The following POMGNT1 variants were observed in gnomAD, a reference collection of about 807,000 sequenced individuals.
The protein encoded by POMGNT1 is protein O-linked mannose N-acetylglucosaminyltransferase 1 (beta 1,2-), also known as protein O-linked-mannose beta-1,2-N-acetylglucosaminyltransferase 1.
In POMGNT1, 67 loss-of-function variants were observed where a neutral mutation model predicts 95.6. That is an observed-to-expected ratio of 0.70 (90% confidence interval 0.58 to 0.86). POMGNT1 has a LOEUF of 0.86. POMGNT1 is among the 40% of genes least tolerant of loss of function. The pLI is 0.00. For synonymous variants in POMGNT1, 298 were observed against 317.9 expected, an observed-to-expected ratio of 0.94 and a Z score of 0.66; for missense variants, 719 against 855.2, an observed-to-expected ratio of 0.84 and a Z score of 1.99.
rs752497984 is a variant in POMGNT1 at position 46,196,752 on chromosome 1, A to G, written c.333T>C (p.Tyr111=). ...VEVYSSRSKV[Y]VAVDGTTVLE... Reference sequence around the variant, plus strand: ...TGACCGTGGTGCCATCCACTGCCACATATACTTTGCTGCGACTTGAATACA... The same window carrying G: ...TGACCGTGGTGCCATCCACTGCCACGTATACTTTGCTGCGACTTGAATACA... Residue 111 remains tyrosine (Y), a synonymous_variant, in exon 4 of 22, where the codon TAT becomes TAC. Transcript: ENST00000371984. This position sits in a 1 kb window ranked among gnomAD's most constrained non-coding sequence, Gnocchi z 4.4. 3.7e-6 allele frequency: 6 copies of G among 1,614,174 alleles called. No homozygotes were observed. Among genetic ancestry groups the G allele is most frequent in the Non-Finnish European group, 3.4e-6 (4 of 1,180,036 alleles).
intron 18 of POMGNT1, 83 bp downstream of exon 18, chr1:46,190,637 A>G: frequency 3.9e-6 from 6 of 1,534,110 alleles, no homozygotes; most frequent in Admixed American, 1.7e-5. Flanking sequence ...GTAAACACAC[A>G]GGCCCAGCAT....
chr1:46,213,074 T>A (rs998892900), intron 1 of POMGNT1, among the ~76,000 whole-genome samples: 2 of 152,102 alleles, frequency 1.3e-5, no homozygotes, highest in Non-Finnish European at 2.9e-5. Flanking sequence ...ATAGACTACA[T>A]ATGTCAAATA....
At chr1:46,213,956 C>T (rs934549340) in intron 1 of POMGNT1, among the ~76,000 whole-genome samples, 4 of 151,972 alleles carry the variant, frequency 2.6e-5, no homozygotes, top group Admixed American at 2.0e-4. Flanking sequence ...CATACATACA[C>T]GGTTTCTAGT....
At chr1:46,202,691 T>C, upstream of POMGNT1, among the ~76,000 whole-genome samples, 2 of 94,698 alleles carry the variant, frequency 2.1e-5, no homozygotes, top group Non-Finnish European at 3.9e-5. Context: ...AGCGAGACTC[T>C]GTCTCAAAAA....
intron 1 of POMGNT1, among the ~76,000 whole-genome samples, chr1:46,218,835 C>T (rs554593825): frequency 1.5e-4 from 23 of 152,146 alleles, no homozygotes; most frequent in Non-Finnish European, 2.8e-4. Context: ...CAACCCTTTC[C>T]CCTCTCGGTG....
rs369306680 is a variant in POMGNT1, at chr1:46,194,363, G to A, written c.790C>T (p.Arg264Cys). ...CHWADTELNR[R>C]RRRFCSKVEG... is the part of the protein sequence containing the mutation. The stretch of plus-strand genomic sequence containing the variant: ...ACTTTGCTGCAGAAGCGCCGGCGGC[G>A]ACGGTTCAGCTCTGTGTCTGCCCAG... Residue 264 changes from arginine to cysteine, a missense_variant, in exon 9 of 22, where the codon CGC becomes TGC. Physicochemically the swap from Arg to Cys is radical, Grantham distance 180 (BLOSUM62 -3). Coordinates refer to ENST00000371984, the MANE Select transcript of POMGNT1 (RefSeq NM_017739.4). The A allele has an allele frequency of 4.3e-6, 7 of 1,614,092 alleles. No individual in the cohort carries two copies. The highest frequency in any genetic ancestry group is 4.0e-5 in the African/African-American group (3 of 74,940).
intron 1 of POMGNT1, among the ~76,000 whole-genome samples, chr1:46,212,406 C>T (rs1406263998): frequency 2.7e-5 from 4 of 150,484 alleles, no homozygotes; most frequent in African/African-American, 4.9e-5. Context: ...TCAGCCTCCC[C>T]AGCAGCTGGG....
At chr1:46,200,444 C>T (rs144089334), upstream of POMGNT1, among the ~76,000 whole-genome samples, 2 of 152,314 alleles carry the variant, frequency 1.3e-5, no homozygotes, top group African/African-American at 4.8e-5. Flanking sequence ...GGGTTCCCCT[C>T]CTCAGTGAAC....
intron 2 of POMGNT1, 30 bp from the exon 3 acceptor site, chr1:46,197,114 G>A: frequency 6.2e-7 from 1 of 1,613,920 alleles, no homozygotes; most frequent in Non-Finnish European, 8.5e-7. Flanking sequence ...TGATTAAGAG[G>A]AGCACCTCCT....
chr1:46,217,526 G>C (rs1659103241), intron 1 of POMGNT1, among the ~76,000 whole-genome samples: 1 of 152,164 alleles, frequency 6.6e-6, no homozygotes, highest in Non-Finnish European at 1.5e-5. Context: ...AGATGGGAAG[G>C]GTATCTGTAT....
rs1657539778 is a variant in POMGNT1 at position 46,189,146 on chromosome 1, C to T, written c.*124G>A. On this transcript the variant is annotated 3_prime_UTR_variant, in exon 22 of 22. Transcript: ENST00000371984. ...CTCCCCTTGGAGTTAGTAATTAAGT[C>T]TCATGTTAAAAACAAGGTAGCCCCA... 1 of 1,498,330 alleles carries T rather than the reference C, an allele frequency of 6.7e-7. No individual in the cohort carries two copies. The allele number at this position is 1,498,330 out of a possible 1,614,324, so 92.8% of individuals were successfully genotyped here. A position where few individuals can be genotyped will look rare whatever the true frequency, so the allele number is the denominator to read the frequency against.
At chr1:46,212,266 T>C (rs1180786829) in intron 1 of POMGNT1, among the ~76,000 whole-genome samples, 1 of 151,848 alleles carries the variant, frequency 6.6e-6, no homozygotes, top group African/African-American at 2.4e-5. Context: ...ATGTATAACA[T>C]AAACAACCAT....
chr1:46,207,569 C>T (rs1658758298), intron 1 of POMGNT1, among the ~76,000 whole-genome samples: 1 of 150,454 alleles, frequency 6.6e-6, no homozygotes, highest in African/African-American at 2.4e-5. Context: ...GATGGAGTCT[C>T]GCTCTGTCGC....
chr1:46,203,366 G>A (rs1324032811), upstream of POMGNT1: 6 of 1,407,894 alleles, frequency 4.3e-6, no homozygotes, highest in Non-Finnish European at 4.7e-6. Flanking sequence ...GGCGAAGGGA[G>A]GACCCCCGGG....
intron 7 of POMGNT1, 76 bp downstream of exon 7, chr1:46,194,768 C>T: frequency 2.5e-6 from 4 of 1,613,494 alleles, no homozygotes; most frequent in Non-Finnish European, 2.5e-6. Flanking sequence ...TTGTTCCCCA[C>T]CCCACCCCAT....
chr1:46,216,462 C>T (rs906979661), intron 1 of POMGNT1, among the ~76,000 whole-genome samples: 2 of 152,152 alleles, frequency 1.3e-5, no homozygotes, highest in African/African-American at 4.8e-5. Context: ...TCACCTCAGC[C>T]TCCCGAGGAG....
Position 46,194,893 on chromosome 1 carries a change from G to GA in POMGNT1, c.602_603insT (p.Ala203CysfsTer25), listed in dbSNP as rs1658102632. The GA allele has an allele frequency of 1.2e-6, 2 of 1,614,008 alleles. No homozygotes were observed. The highest frequency in any genetic ancestry group is 2.7e-5 in the African/African-American group (2 of 74,936). Reference sequence around the variant, plus strand: ...ATGTGTCCCTCCAGCCCAGGGCAGGGCCAGCCTGGCTGCCCAGGCTCCTCA... The same window carrying GA: ...ATGTGTCCCTCCAGCCCAGGGCAGGGACCAGCCTGGCTGCCCAGGCTCCTCA... On this transcript the variant is annotated frameshift_variant, in exon 7 of 22. Transcript: ENST00000371984. LOFTEE classifies it high-confidence loss of function.
Position 46,196,963 on chromosome 1 carries a change from G to A in POMGNT1, c.235+7C>T, listed in dbSNP as rs1658295779. On this transcript the variant is annotated splice_region_variant and intron_variant, in intron 3 of 21. Transcript: ENST00000371984. The surrounding 1 kb of genome is among the most constrained non-coding windows in gnomAD (Gnocchi z 4.4). ...GGCCCCCTACCCCATCCTTAGCCTA[G>A]CCCTACCATAGTCTTGCTCTGGCTC... 6.2e-7 allele frequency: 1 copy of A among 1,614,182 alleles called. No homozygotes were observed. Among genetic ancestry groups the A allele is most frequent in the Non-Finnish European group, 8.5e-7 (1 of 1,180,024 alleles).
At chr1:46,213,093 T>A (rs1274015736) in intron 1 of POMGNT1, among the ~76,000 whole-genome samples, 1 of 152,108 alleles carries the variant, frequency 6.6e-6, no homozygotes, top group Admixed American at 6.6e-5. Flanking sequence ...TAAACATTTA[T>A]CATGTGTGTA....
Sources: allele counts gnomAD v4.1 joint callset (sites outside exome capture counted in the v4.1 genomes callset), GRCh38; gene constraint gnomAD v4.1.1; non-coding constraint Gnocchi (gnomAD v3.1); transcripts MANE v1.5; gene names NCBI Gene and HGNC (gene_info 2026-07-23, HGNC 2026-07-21).